The following UST variants were observed in gnomAD, a reference collection of about 807,000 sequenced individuals.
UST encodes the protein chondroitin sulfate 2-O-sulfotransferase.
Under a neutral mutation model 45.6 loss-of-function variants are expected in UST, and 21 were observed. The observed-to-expected ratio is 0.46, with a 90% CI of 0.33 to 0.66. UST has a LOEUF of 0.66. Among genes scored for constraint, UST ranks in the 30% least tolerant of loss-of-function variants. The pLI, the probability that UST is intolerant of heterozygous loss-of-function variation, is 0.02. For missense variants in UST, 463 were observed against 512.4 expected (o/e 0.90, Z 0.93); for synonymous variants, 215 against 200.6 (o/e 1.07, Z -0.61).
At chr6:148,747,826 C>A in intron 1 of UST, 149 bp downstream of exon 1, 1 of 1,100,796 alleles carries the variant, frequency 9.1e-7, no homozygotes, top group Non-Finnish European at 1.2e-6. Context: ...GCATCTGTGC[C>A]GCGGTCGGGA....
chr6:148,778,729 C>T (rs1776580764), intron 1 of UST, among the ~76,000 whole-genome samples: 1 of 152,178 alleles, frequency 6.6e-6, no homozygotes, highest in Non-Finnish European at 1.5e-5. Context: ...TGTAAGTAAG[C>T]CATCATCACT....
intron 1 of UST, among the ~76,000 whole-genome samples, chr6:148,796,945 G>A (rs972482835): frequency 7.9e-5 from 12 of 151,698 alleles, no homozygotes; most frequent in Non-Finnish European, 1.8e-4. Flanking sequence ...TGAGATTACA[G>A]GCGCCTCCCA....
At chr6:148,998,754 C>A (rs994283990) in intron 5 of UST, among the ~76,000 whole-genome samples, 3 of 152,236 alleles carry the variant, frequency 2.0e-5, no homozygotes, top group African/African-American at 7.2e-5. Flanking sequence ...GATAGATAGT[C>A]CCATTGACTG....
At chr6:148,966,240 A>AATG (rs1361705436) in intron 5 of UST, among the ~76,000 whole-genome samples, 1 of 94,444 alleles carries the variant, frequency 1.1e-5, no homozygotes, top group Non-Finnish European at 2.1e-5. Context: ...TAATAATAAT[A>AATG]ATAATTAAAT....
rs9485340 is a variant in UST, at chr6:148,947,652, A to G, written c.447+6218A>G. On this transcript the variant is annotated intron_variant, in intron 3 of 7. Coordinates refer to ENST00000367463, the MANE Select transcript of UST (RefSeq NM_005715.3). ...AAGATTTATGAAGTGTTGTCTCCTC[A>G]TGAGCCTCTCTCTTTATCCCAGGAA... 2.8e-3 allele frequency among the ~76,000 whole-genome samples: 428 copies of G among 152,312 alleles called. 3 individuals carry two copies. The highest frequency in any genetic ancestry group is 0.01 in the African/African-American group (419 of 41,578).
chr6:148,771,833 G>A (rs1476360100), intron 1 of UST, among the ~76,000 whole-genome samples: 4 of 152,080 alleles, frequency 2.6e-5, no homozygotes, highest in African/African-American at 9.7e-5. Flanking sequence ...ATTTTCTGGA[G>A]GTCAAAGCAA....
At chr6:149,041,040 C>T (rs570914958) in intron 7 of UST, among the ~76,000 whole-genome samples, 13 of 152,198 alleles carry the variant, frequency 8.5e-5, no homozygotes, top group Non-Finnish European at 1.8e-4. Flanking sequence ...TAAATAAAAC[C>T]TAAAGAAAGT....
At chr6:148,980,909 G>A (rs1187579852) in intron 5 of UST, among the ~76,000 whole-genome samples, 1 of 151,578 alleles carries the variant, frequency 6.6e-6, no homozygotes, top group Admixed American at 6.6e-5. Flanking sequence ...TTTTTTTGTA[G>A]AAATGAGGTC....
chr6:149,038,677 C>G (rs904290459), intron 7 of UST, among the ~76,000 whole-genome samples: 1 of 152,156 alleles, frequency 6.6e-6, no homozygotes, highest in African/African-American at 2.4e-5. Context: ...CAGGGGAAGA[C>G]CTGGAGGGTC....
At chr6:148,906,012 T>A (rs1453392121) in intron 2 of UST, among the ~76,000 whole-genome samples, 1 of 152,242 alleles carries the variant, frequency 6.6e-6, no homozygotes, top group East Asian at 1.9e-4. Flanking sequence ...TTAATGGATA[T>A]GTACTAATTA....
chr6:148,925,561 T>C (rs1466404925), intron 2 of UST, among the ~76,000 whole-genome samples: 1 of 152,236 alleles, frequency 6.6e-6, no homozygotes, highest in Non-Finnish European at 1.5e-5. Flanking sequence ...GGGGGGAATA[T>C]TTCCAAGTCA....
chr6:148,870,735 G>C (rs1162877627), intron 1 of UST, among the ~76,000 whole-genome samples: 1 of 152,018 alleles, frequency 6.6e-6, no homozygotes, highest in African/African-American at 2.4e-5. Flanking sequence ...CCTGACCTGG[G>C]GCCCAGCACA....
intron 1 of UST, among the ~76,000 whole-genome samples, chr6:148,757,093 G>A (rs1018089695): frequency 2.4e-4 from 36 of 152,282 alleles, no homozygotes; most frequent in African/African-American, 8.4e-4. Flanking sequence ...AACCTCCTGG[G>A]CTCAAGCCAT....
chr6:148,892,056 G>T (rs1779028616), intron 2 of UST, among the ~76,000 whole-genome samples: 1 of 152,174 alleles, frequency 6.6e-6, no homozygotes, highest in African/African-American at 2.4e-5. Flanking sequence ...CCTTCCTCTT[G>T]AACGACTGAC....
At chr6:148,781,198 C>T (rs1279114513) in intron 1 of UST, among the ~76,000 whole-genome samples, 3 of 152,056 alleles carry the variant, frequency 2.0e-5, no homozygotes, top group Non-Finnish European at 2.9e-5. Context: ...GGGTCTCTAG[C>T]GACAGTTAAC....
chr6:148,913,115 A>G (rs1179399701), intron 2 of UST, among the ~76,000 whole-genome samples: 1 of 152,230 alleles, frequency 6.6e-6, no homozygotes, highest in East Asian at 1.9e-4. Flanking sequence ...TAGTGGAGCC[A>G]GTAAGGACTT....
At chr6:148,912,432 A>G (rs925802726) in intron 2 of UST, among the ~76,000 whole-genome samples, 2 of 152,254 alleles carry the variant, frequency 1.3e-5, no homozygotes, top group African/African-American at 2.4e-5. Context: ...TAAGTCCTGA[A>G]CCATGCTTCG....
chr6:149,069,090 CA>C, intron 7 of UST, among the ~76,000 whole-genome samples: 1 of 152,156 alleles, frequency 6.6e-6, no homozygotes, highest in East Asian at 1.9e-4. Flanking sequence ...TTTTTATGGC[CA>C]AATAGTATTC....
At position 148,827,524 on chromosome 6, in the gene UST, G is replaced by A. The variant is rs141760530; in HGVS notation, c.248-59462G>A. ...ATCCCAACTCAGGAGGCTGAGGCAG[G>A]AGAATTGCTTGAATCCAGGAGGTGG... On this transcript the variant is annotated intron_variant, in intron 1 of 7. Coordinates refer to ENST00000367463, the MANE Select transcript of UST (RefSeq NM_005715.3). Among the ~76,000 whole-genome samples, 557 of 151,936 alleles carry A rather than the reference G, an allele frequency of 3.7e-3. 3 individuals carry two copies. The highest frequency in any genetic ancestry group is 0.013 in the African/African-American group (532 of 41,434).
Sources: gnomAD v4.1 joint callset for allele counts (sites outside exome capture counted in the v4.1 genomes callset) on GRCh38, gnomAD v4.1.1 for gene constraint, MANE v1.5 for transcripts, NCBI Gene and HGNC (gene_info 2026-07-23, HGNC 2026-07-21) for gene names.